Variants in ABTB3 observed in about 807,000 individuals in gnomAD.
The protein encoded by ABTB3 is ankyrin repeat and BTB domain containing 3.
chr12:107,394,898 G>A, the ABTB3 span, among the ~76,000 whole-genome samples: 1 of 152,178 alleles, frequency 6.6e-6, no homozygotes, highest in Non-Finnish European at 1.5e-5. Flanking sequence ...GAGAGCCAAC[G>A]GCAGCCCTGC....
the ABTB3 span, among the ~76,000 whole-genome samples, chr12:107,423,584 A>T: frequency 5.8e-4 from 88 of 151,948 alleles, no homozygotes; most frequent in Non-Finnish European, 2.6e-4. Flanking sequence ...CCGGGAGGAG[A>T]GAGGTTGGTG....
chr12:107,606,870 C>T, the ABTB3 span, among the ~76,000 whole-genome samples: 2 of 152,192 alleles, frequency 1.3e-5, no homozygotes, highest in Admixed American at 6.5e-5. Context: ...CACCCAGACC[C>T]GTGCGCACCT....
chr12:107,617,489 G>T, the ABTB3 span: 51 of 1,602,066 alleles, frequency 3.2e-5, no homozygotes, highest in Non-Finnish European at 4.2e-5. Context: ...TGTTAAAAAT[G>T]CAGATTCCCA....
At chr12:107,617,076 T>C in the ABTB3 span, 1 of 1,613,538 alleles carries the variant, frequency 6.2e-7, no homozygotes, top group Non-Finnish European at 8.5e-7. Flanking sequence ...CAATGGCCGC[T>C]CTTCCTCTGC....
At chr12:107,563,362 C>T in the ABTB3 span, among the ~76,000 whole-genome samples, 2 of 152,180 alleles carry the variant, frequency 1.3e-5, no homozygotes, top group African/African-American at 2.4e-5. Context: ...AAAGTACCAG[C>T]ACTGTTCGAA....
At chr12:107,396,470 A>T in the ABTB3 span, among the ~76,000 whole-genome samples, 1 of 152,270 alleles carries the variant, frequency 6.6e-6, no homozygotes, top group East Asian at 1.9e-4. Flanking sequence ...AATGCATTAA[A>T]AAGATCCATT....
At chr12:107,469,842 TC>T in the ABTB3 span, among the ~76,000 whole-genome samples, 1 of 86,344 alleles carries the variant, frequency 1.2e-5, no homozygotes, top group East Asian at 2.5e-4. Context: ...CCTTCCTTTC[TC>T]TCTCTTTCTC....
the ABTB3 span, among the ~76,000 whole-genome samples, chr12:107,337,410 A>G: frequency 1.3e-5 from 2 of 152,226 alleles, no homozygotes; most frequent in African/African-American, 4.8e-5. Flanking sequence ...AGGGAAAAGG[A>G]AACAAGGCTT....
chr12:107,477,682 G>A, the ABTB3 span, among the ~76,000 whole-genome samples: 2 of 152,174 alleles, frequency 1.3e-5, no homozygotes, highest in Non-Finnish European at 2.9e-5. Flanking sequence ...GCATAAAACA[G>A]TTCTAGAACG....
At chr12:107,633,067 T>C in the ABTB3 span, among the ~76,000 whole-genome samples, 1 of 152,200 alleles carries the variant, frequency 6.6e-6, no homozygotes, top group African/African-American at 2.4e-5. Flanking sequence ...TCCAGGATAA[T>C]CTCTCTATTT....
the ABTB3 span, among the ~76,000 whole-genome samples, chr12:107,479,743 G>T: frequency 1.3e-5 from 2 of 152,098 alleles, no homozygotes; most frequent in African/African-American, 4.8e-5. Context: ...CTCTGTGCCA[G>T]ACACTGTGAA....
At chr12:107,521,424 T>G in the ABTB3 span, among the ~76,000 whole-genome samples, 1 of 152,104 alleles carries the variant, frequency 6.6e-6, no homozygotes, top group Admixed American at 6.5e-5. Flanking sequence ...CTGACTCTCT[T>G]CATCAGGGAT....
the ABTB3 span, among the ~76,000 whole-genome samples, chr12:107,508,581 A>T: frequency 1.3e-5 from 2 of 150,678 alleles, no homozygotes; most frequent in Non-Finnish European, 2.9e-5. Flanking sequence ...CAGCCTCCTG[A>T]GTAGCTGGGA....
the ABTB3 span, among the ~76,000 whole-genome samples, chr12:107,415,524 T>G: frequency 6.6e-6 from 1 of 151,494 alleles, no homozygotes; most frequent in South Asian, 2.1e-4. Context: ...CTGGCTAACA[T>G]GGTGAAACCC....
chr12:107,375,511 C>T, the ABTB3 span, among the ~76,000 whole-genome samples: 6 of 152,194 alleles, frequency 3.9e-5, no homozygotes, highest in East Asian at 1.9e-4. Context: ...AGCAACAAAA[C>T]CAAAGCCCTC....
chr12:107,445,111 C>T, the ABTB3 span, among the ~76,000 whole-genome samples: 2 of 152,234 alleles, frequency 1.3e-5, no homozygotes, highest in Non-Finnish European at 2.9e-5. Context: ...GATAATTGCA[C>T]AGCTGAAGCT....
the ABTB3 span, among the ~76,000 whole-genome samples, chr12:107,600,751 A>G: frequency 2.2e-4 from 33 of 152,328 alleles, no homozygotes; most frequent in South Asian, 8.3e-4. Context: ...CAGATTGCCA[A>G]CCTGCTGGTG....
At chr12:107,367,146 C>G in the ABTB3 span, among the ~76,000 whole-genome samples, 1 of 152,138 alleles carries the variant, frequency 6.6e-6, no homozygotes, top group East Asian at 1.9e-4. Context: ...TTGGAAGGTG[C>G]CTTCCCCGGA....
chr12:107,385,620 G>A, the ABTB3 span, among the ~76,000 whole-genome samples: 1 of 152,160 alleles, frequency 6.6e-6, no homozygotes, highest in African/African-American at 2.4e-5. Flanking sequence ...GCAGTGCTCT[G>A]CCTGGCAGGG....
Sources: allele counts gnomAD v4.1 joint callset (sites outside exome capture counted in the v4.1 genomes callset), GRCh38; gene constraint gnomAD v4.1.1; transcripts MANE v1.5; gene names NCBI Gene and HGNC (gene_info 2026-07-23, HGNC 2026-07-21).